The following AHCYL2 variants were observed in gnomAD, a reference collection of about 807,000 sequenced individuals.
AHCYL2 encodes adenosylhomocysteinase like 2.
Under a neutral mutation model 81.4 loss-of-function variants are expected in AHCYL2, and 28 were observed. The ratio of observed to expected loss-of-function variants is 0.34; its 90% CI spans 0.25 to 0.47. The LOEUF is 0.47. Among genes scored for constraint, AHCYL2 ranks in the 20% least tolerant of loss-of-function variants. The probability of loss-of-function intolerance (pLI) is 1.00; values close to 1 mark genes in which losing one functional copy is unlikely to be tolerated. For missense variants in AHCYL2, 551 were observed against 785.1 expected, an observed-to-expected ratio of 0.70 and a Z score of 3.56; for synonymous variants, 272 against 290.2, an observed-to-expected ratio of 0.94 and a Z score of 0.64.
At chr7:129,309,437 G>A (rs1482814941) in intron 1 of AHCYL2, among the ~76,000 whole-genome samples, 1 of 151,854 alleles carries the variant, frequency 6.6e-6, no homozygotes, top group Non-Finnish European at 1.5e-5. Context: ...CTACGTGGGA[G>A]GTTAAGGTGA....
chr7:129,325,895 G>A (rs34651338), intron 1 of AHCYL2, among the ~76,000 whole-genome samples: 3,738 of 151,922 alleles, frequency 0.025, 78 homozygotes, highest in Admixed American at 0.057. Context: ...AGTAGAGGCG[G>A]GATTTCACCA....
At chr7:129,353,243 C>T (rs34890000) in intron 1 of AHCYL2, among the ~76,000 whole-genome samples, 4,241 of 152,216 alleles carry the variant, frequency 0.028, 85 homozygotes, top group Admixed American at 0.057. Flanking sequence ...CCACCATGCC[C>T]GGCCATTCTT....
chr7:129,242,806 C>G (rs1049691702), intron 1 of AHCYL2, among the ~76,000 whole-genome samples: 2 of 151,670 alleles, frequency 1.3e-5, no homozygotes, highest in Admixed American at 6.6e-5. Context: ...TGGCTTGATT[C>G]CTGTTTTCAA....
At chr7:129,244,551 A>G (rs1277928803) in intron 1 of AHCYL2, among the ~76,000 whole-genome samples, 1 of 152,176 alleles carries the variant, frequency 6.6e-6, no homozygotes, top group Non-Finnish European at 1.5e-5. Context: ...TAACTGGTTC[A>G]TAGATGACAG....
intron 1 of AHCYL2, among the ~76,000 whole-genome samples, chr7:129,310,650 A>G (rs1222311464): frequency 1.3e-5 from 2 of 152,234 alleles, no homozygotes; most frequent in African/African-American, 4.8e-5. Flanking sequence ...GTGTTAGGAT[A>G]GTTGGTAAGG....
intron 1 of AHCYL2, among the ~76,000 whole-genome samples, chr7:129,258,989 C>T (rs1392974645): frequency 3.9e-5 from 6 of 152,182 alleles, no homozygotes; most frequent in Admixed American, 3.9e-4. Flanking sequence ...CCTTGGACAC[C>T]ATCAAGTCCT....
chr7:129,235,907 T>G (rs1794626591), intron 1 of AHCYL2, among the ~76,000 whole-genome samples: 1 of 152,220 alleles, frequency 6.6e-6, no homozygotes, highest in Admixed American at 6.5e-5. Flanking sequence ...TGTTTTTTCT[T>G]TCTTTATACA....
intron 2 of AHCYL2, among the ~76,000 whole-genome samples, chr7:129,384,834 T>C (rs1283026001): frequency 2.0e-5 from 3 of 152,244 alleles, no homozygotes; most frequent in Non-Finnish European, 2.9e-5. Flanking sequence ...AGAAGTTAAT[T>C]CATTATGTAC....
At chr7:129,383,184 G>T (rs1795044389) in intron 2 of AHCYL2, among the ~76,000 whole-genome samples, 1 of 150,646 alleles carries the variant, frequency 6.6e-6, no homozygotes, top group African/African-American at 2.4e-5. Context: ...TTTTTTTTAA[G>T]AGACAGGGTC....
At chr7:129,370,552 G>A (rs1170745357) in intron 1 of AHCYL2, among the ~76,000 whole-genome samples, 4 of 152,102 alleles carry the variant, frequency 2.6e-5, no homozygotes, top group African/African-American at 9.7e-5. Flanking sequence ...CAAAAAATTA[G>A]CCGGGCGTGG....
At chr7:129,337,181 C>G (rs1798631855) in intron 1 of AHCYL2, among the ~76,000 whole-genome samples, 1 of 152,158 alleles carries the variant, frequency 6.6e-6, no homozygotes, top group Non-Finnish European at 1.5e-5. Flanking sequence ...CAGTTTTCCC[C>G]TAAGGCTATC....
chr7:129,418,592 C>A (rs1796969101), intron 12 of AHCYL2, among the ~76,000 whole-genome samples: 1 of 152,176 alleles, frequency 6.6e-6, no homozygotes, highest in South Asian at 2.1e-4. Context: ...AGCCACCGCG[C>A]CCAGCCGACT....
intron 1 of AHCYL2, among the ~76,000 whole-genome samples, chr7:129,229,843 T>C (rs1417327921): frequency 6.6e-6 from 1 of 152,198 alleles, no homozygotes; most frequent in African/African-American, 2.4e-5. Context: ...ACACTGGTAA[T>C]TTACTGATAA....
chr7:129,271,144 C>T (rs1014651479), intron 1 of AHCYL2, among the ~76,000 whole-genome samples: 10 of 151,760 alleles, frequency 6.6e-5, no homozygotes, highest in Non-Finnish European at 2.9e-5. Context: ...GGGCGGATCA[C>T]GAGGTCAGGA....
chr7:129,250,203 T>G (rs1162373046), intron 1 of AHCYL2, among the ~76,000 whole-genome samples: 1 of 152,018 alleles, frequency 6.6e-6, no homozygotes, highest in Non-Finnish European at 1.5e-5. Flanking sequence ...GGAGGCTGAG[T>G]TCGAGGCCAC....
In AHCYL2 at chr7:129,403,874, A is replaced by T. The variant is rs1420282592; in HGVS notation, c.1025+389A>T. On this transcript the variant is annotated intron_variant, in intron 7 of 16. Coordinates refer to ENST00000325006, the MANE Select transcript of AHCYL2 (RefSeq NM_015328.4). ...AGACTCCATCTCAAAAAAAAAAAAAAAAAAAAAAAAAAAAAAATTGGAGCC... is the reference window on the plus strand; with the variant it reads ...AGACTCCATCTCAAAAAAAAAAAAATAAAAAAAAAAAAAAAAATTGGAGCC... Among the ~76,000 whole-genome samples, 17 of 139,364 alleles carry T rather than the reference A, an allele frequency of 1.2e-4. No homozygotes were observed. The South Asian group carries it at 2.2e-3, about 18-fold the overall frequency. 91.4% of individuals were successfully genotyped at this position (139,364 alleles called of 152,430 possible).
chr7:129,278,611 G>A (rs1003345133), intron 1 of AHCYL2, among the ~76,000 whole-genome samples: 4 of 151,932 alleles, frequency 2.6e-5, no homozygotes, highest in Admixed American at 6.6e-5. Context: ...TAGTTTTGGT[G>A]TCATATCTAA....
intron 1 of AHCYL2, among the ~76,000 whole-genome samples, chr7:129,247,108 T>C (rs1795089470): frequency 6.6e-6 from 1 of 152,214 alleles, no homozygotes; most frequent in Admixed American, 6.5e-5. Flanking sequence ...GGGTTGTGTG[T>C]TACATTTATG....
intron 1 of AHCYL2, among the ~76,000 whole-genome samples, chr7:129,354,682 A>G (rs1392000301): frequency 1.3e-5 from 2 of 152,202 alleles, no homozygotes; most frequent in East Asian, 1.9e-4. Context: ...TCAGCATTGC[A>G]TTAAGAAGAT....
Sources: gnomAD v4.1 joint callset for allele counts (sites outside exome capture counted in the v4.1 genomes callset) on GRCh38, gnomAD v4.1.1 for gene constraint, MANE v1.5 for transcripts, NCBI Gene and HGNC (gene_info 2026-07-23, HGNC 2026-07-21) for gene names.